The following NGF variants were observed in gnomAD, a reference collection of about 807,000 sequenced individuals.
NGF encodes the protein nerve growth factor.
NGF carries 4 observed loss-of-function variants against 12.8 expected under a neutral mutation model. The observed-to-expected ratio is 0.31, with a 90% CI of 0.15 to 0.72. NGF has a LOEUF of 0.72. Ranked by LOEUF, NGF falls within the 30% of genes least tolerant of loss-of-function variation. The pLI, the probability that NGF is intolerant of heterozygous loss-of-function variation, is 0.69. For missense variants in NGF, 283 were observed against 330.8 expected (o/e 0.86, Z 1.12); for synonymous variants, 140 against 130.0 (o/e 1.08, Z -0.52).
rs552596593 is a variant in NGF, at chr1:115,326,888, C to A, written c.-137+11316G>T. Among the ~76,000 whole-genome samples, 133 of 152,234 alleles carry A rather than the reference C, an allele frequency of 8.7e-4. 3 individuals carry two copies. Among genetic ancestry groups the A allele is most frequent in the South Asian group, 4.2e-4 (2 of 4,812 alleles). ...CATCAACCATATCCAGTGCAACAGC[C>A]CTAATAGATATGCAGGGGAAGTAGC... On this transcript the variant is annotated intron_variant, in intron 1 of 2. Transcript: ENST00000369512.
intron 1 of NGF, among the ~76,000 whole-genome samples, chr1:115,329,121 GGAA>G (rs941864733): frequency 4.6e-5 from 7 of 151,614 alleles, no homozygotes; most frequent in Admixed American, 6.6e-5. Flanking sequence ...AAGAGGAGGA[GGAA>G]GAAGAAGAGA....
At chr1:115,334,597 A>C (rs149838406) in intron 1 of NGF, among the ~76,000 whole-genome samples, 2,288 of 152,202 alleles carry the variant, frequency 0.015, 39 homozygotes, top group Non-Finnish European at 0.02. Flanking sequence ...TGACTTCTGG[A>C]GCCCCAGTTT....
chr1:115,319,643 A>G (rs746351588), intron 1 of NGF, among the ~76,000 whole-genome samples: 37 of 152,212 alleles, frequency 2.4e-4, no homozygotes, highest in Non-Finnish European at 3.8e-4. Context: ...AAAATCATAC[A>G]TAGTATGAAC....
intron 2 of NGF, among the ~76,000 whole-genome samples, chr1:115,287,840 C>G (rs6326): frequency 0.077 from 11,791 of 152,200 alleles, 1,524 homozygotes; most frequent in African/African-American, 0.27. Flanking sequence ...ACTGCAGTTA[C>G]CCCACAAATA....
At chr1:115,334,057 G>A (rs373877075) in intron 1 of NGF, among the ~76,000 whole-genome samples, 24 of 152,196 alleles carry the variant, frequency 1.6e-4, no homozygotes, top group African/African-American at 5.8e-4. Context: ...TGAAGCAGAG[G>A]TGAGAATAAT....
chr1:115,314,536 T>G (rs1024004553), intron 1 of NGF, among the ~76,000 whole-genome samples: 3 of 152,204 alleles, frequency 2.0e-5, no homozygotes, highest in African/African-American at 7.2e-5. Context: ...TTGCTCAACT[T>G]AATTCAACAC....
chr1:115,303,703 A>G (rs1258768248), intron 1 of NGF, among the ~76,000 whole-genome samples: 1 of 152,140 alleles, frequency 6.6e-6, no homozygotes, highest in African/African-American at 2.4e-5. Context: ...GATCACCACC[A>G]TCATCACCAT....
chr1:115,329,744 CTTTTT>C (rs1039991768), intron 1 of NGF, among the ~76,000 whole-genome samples: 2 of 103,996 alleles, frequency 1.9e-5, no homozygotes, highest in African/African-American at 3.8e-5. Flanking sequence ...TTCTTTCTTT[CTTTTT>C]TTTTTTTTTT....
chr1:115,295,673 G>T (rs1653845427), intron 1 of NGF, among the ~76,000 whole-genome samples: 1 of 152,132 alleles, frequency 6.6e-6, no homozygotes, highest in South Asian at 2.1e-4. Flanking sequence ...TCATCTTTGA[G>T]CTTTCTCCTC....
chr1:115,287,468 A>G (rs925613067), intron 2 of NGF, among the ~76,000 whole-genome samples: 2 of 152,186 alleles, frequency 1.3e-5, no homozygotes, highest in African/African-American at 2.4e-5. Flanking sequence ...CCCCACATAT[A>G]TAAATGTGGA....
At chr1:115,332,791 G>C (rs1404078113) in intron 1 of NGF, among the ~76,000 whole-genome samples, 3 of 152,146 alleles carry the variant, frequency 2.0e-5, no homozygotes, top group Non-Finnish European at 4.4e-5. Flanking sequence ...TGCTTATCTA[G>C]TCCAGCACCT....
intron 1 of NGF, among the ~76,000 whole-genome samples, chr1:115,337,296 T>TAGAAGGAGG: frequency 9.1e-6 from 1 of 109,490 alleles, no homozygotes; most frequent in Non-Finnish European, 1.9e-5. Context: ...TTTTTTTTTT[T>TAGAAGGAGG]TTTTTTTTTA....
At chr1:115,306,223 A>G (rs771402299) in intron 1 of NGF, among the ~76,000 whole-genome samples, 2 of 152,230 alleles carry the variant, frequency 1.3e-5, no homozygotes, top group Non-Finnish European at 2.9e-5. Flanking sequence ...GACGAGTGGA[A>G]AGCAATAAAC....
chr1:115,288,334 A>G (rs1653581896), intron 2 of NGF, among the ~76,000 whole-genome samples: 1 of 152,178 alleles, frequency 6.6e-6, no homozygotes, highest in Admixed American at 6.5e-5. Context: ...GAAGAAACCC[A>G]TTTAATTTCC....
intron 1 of NGF, among the ~76,000 whole-genome samples, chr1:115,317,856 G>T (rs1321336717): frequency 1.3e-5 from 2 of 152,200 alleles, no homozygotes; most frequent in Non-Finnish European, 2.9e-5. Flanking sequence ...TTTACACAAT[G>T]AGCATAATAA....
intron 1 of NGF, among the ~76,000 whole-genome samples, chr1:115,307,026 G>A (rs1654221002): frequency 6.6e-6 from 1 of 152,192 alleles, no homozygotes; most frequent in Non-Finnish European, 1.5e-5. Context: ...CCCAGGTCAG[G>A]GACAGAGGGA....
rs181910854 is a variant in NGF, at chr1:115,325,660, G to A, written c.-137+12544C>T. ...TACATTTTTAAAGGGCACTCTGGCT[G>A]CTGTTGGCCTAAAAGAAAAACAACA... On this transcript the variant is annotated intron_variant, in intron 1 of 2. Transcript: ENST00000369512. Among the ~76,000 whole-genome samples the A allele has an allele frequency of 5.3e-5, 8 of 152,270 alleles. No homozygotes were observed. The East Asian group carries it at 1.5e-3, about 29-fold the overall frequency.
intron 1 of NGF, among the ~76,000 whole-genome samples, chr1:115,313,613 ATTGT>A (rs11466079): frequency 0.014 from 2,168 of 152,324 alleles, 52 homozygotes; most frequent in African/African-American, 0.05. Flanking sequence ...GAAATGCATA[ATTGT>A]TTGTTTTCTG....
intron 1 of NGF, among the ~76,000 whole-genome samples, chr1:115,310,846 A>T (rs1048046944): frequency 2.1e-5 from 3 of 139,774 alleles, no homozygotes; most frequent in Non-Finnish European, 4.7e-5. Flanking sequence ...TATCCCAGGC[A>T]TTGGGGCAAG....
Sources: gnomAD v4.1 joint callset for allele counts (sites outside exome capture counted in the v4.1 genomes callset) on GRCh38, gnomAD v4.1.1 for gene constraint, MANE v1.5 for transcripts, NCBI Gene and HGNC (gene_info 2026-07-23, HGNC 2026-07-21) for gene names.